NRG1: variants seen among roughly 807,000 people sequenced by gnomAD.
NRG1 encodes neuregulin 1.
A neutral mutation model predicts 63.8 loss-of-function variants in NRG1; 18 were observed. The observed-to-expected ratio is 0.28, with a 90% CI of 0.19 to 0.42. The LOEUF is 0.42. NRG1 is among the 10% of genes least tolerant of loss of function. The pLI is 1.00. For synonymous variants in NRG1, 302 were observed against 301.3 expected (o/e 1.00, Z -0.02); for missense variants, 762 against 814.7 (o/e 0.94, Z 0.79).
intron 1 of NRG1, among the ~76,000 whole-genome samples, chr8:32,374,246 G>T (rs1365200171): frequency 6.6e-6 from 1 of 152,130 alleles, no homozygotes; most frequent in African/African-American, 2.4e-5. Context: ...TTTTCCAGGA[G>T]CCAATAGAAA....
At chr8:31,812,588 C>T (rs1378538087) in intron 1 of NRG1, among the ~76,000 whole-genome samples, 1 of 151,164 alleles carries the variant, frequency 6.6e-6, no homozygotes, top group Non-Finnish European at 1.5e-5. Context: ...CCCCTTCCTC[C>T]TCCTTCCTTT....
chr8:31,897,725 T>C (rs954376556), intron 1 of NRG1, among the ~76,000 whole-genome samples: 1 of 152,078 alleles, frequency 6.6e-6, no homozygotes, highest in Non-Finnish European at 1.5e-5. Context: ...TAGAAAATCT[T>C]TGAAGCTGTC....
chr8:31,720,603 C>G (rs1444043065), intron 1 of NRG1, among the ~76,000 whole-genome samples: 6 of 152,108 alleles, frequency 3.9e-5, no homozygotes, highest in Admixed American at 3.9e-4. Flanking sequence ...GTTTTCTGTT[C>G]CTGCATTAGG....
intron 1 of NRG1, among the ~76,000 whole-genome samples, chr8:32,168,364 G>A (rs746954471): frequency 2.6e-5 from 4 of 152,206 alleles, no homozygotes; most frequent in African/African-American, 9.6e-5. Flanking sequence ...GCTGCCTGGT[G>A]CCTGTGTTCT....
At chr8:32,497,586 G>A (rs1181637666) in intron 1 of NRG1, among the ~76,000 whole-genome samples, 2 of 152,082 alleles carry the variant, frequency 1.3e-5, no homozygotes, top group African/African-American at 4.8e-5. Context: ...GGCCACAGAA[G>A]TCCAAGTCAA....
chr8:32,492,643 AAG>A (rs1422102175), intron 1 of NRG1, among the ~76,000 whole-genome samples: 5 of 152,170 alleles, frequency 3.3e-5, no homozygotes, highest in Admixed American at 6.5e-5. Context: ...GGTGAAAAGA[AAG>A]AGTACGAACC....
At chr8:32,349,479 T>C (rs902874342) in intron 1 of NRG1, among the ~76,000 whole-genome samples, 2 of 152,102 alleles carry the variant, frequency 1.3e-5, no homozygotes, top group Non-Finnish European at 2.9e-5. Flanking sequence ...ACATGGGAAG[T>C]GTGAAGGAGA....
chr8:31,687,874 G>A (rs2131103369), intron 1 of NRG1, among the ~76,000 whole-genome samples: 1 of 152,320 alleles, frequency 6.6e-6, no homozygotes, highest in Non-Finnish European at 1.5e-5. Flanking sequence ...ACCCACCAGA[G>A]CATGACCTTA....
At chr8:32,343,664 A>T (rs996123646) in intron 1 of NRG1, among the ~76,000 whole-genome samples, 31 of 152,218 alleles carry the variant, frequency 2.0e-4, no homozygotes, top group Non-Finnish European at 1.5e-4. Flanking sequence ...TCAGTGTTTA[A>T]TCATAATGAA....
intron 1 of NRG1, among the ~76,000 whole-genome samples, chr8:32,331,964 G>GT (rs1028456445): frequency 2.6e-5 from 4 of 151,778 alleles, no homozygotes; most frequent in African/African-American, 4.8e-5. Context: ...ATGAAGGGAA[G>GT]TTTTTTTTAA....
At chr8:31,894,153 T>A (rs776371) in intron 1 of NRG1, among the ~76,000 whole-genome samples, 215 of 152,280 alleles carry the variant, frequency 1.4e-3, no homozygotes, top group African/African-American at 4.8e-3. Context: ...ATTGTACCCA[T>A]GTATATGGGG....
chr8:32,412,248 A>C (rs1815068106), intron 1 of NRG1, among the ~76,000 whole-genome samples: 1 of 151,596 alleles, frequency 6.6e-6, no homozygotes, highest in South Asian at 2.1e-4. Context: ...AATTTATACC[A>C]TTGGCTCTCC....
intron 1 of NRG1, among the ~76,000 whole-genome samples, chr8:31,901,970 A>G (rs779385452): frequency 5.9e-5 from 9 of 152,234 alleles, no homozygotes; most frequent in Admixed American, 3.3e-4. Context: ...AACTTCGTGT[A>G]AAGTCTTTTC....
chr8:31,785,974 A>T (rs1820132862), intron 1 of NRG1, among the ~76,000 whole-genome samples: 3 of 152,212 alleles, frequency 2.0e-5, no homozygotes, highest in African/African-American at 7.2e-5. Flanking sequence ...ATAATTATTC[A>T]CAGCGTGTTA....
intron 1 of NRG1, among the ~76,000 whole-genome samples, chr8:31,691,544 G>A: frequency 8.2e-6 from 1 of 121,334 alleles, no homozygotes; most frequent in East Asian, 3.1e-4. Flanking sequence ...GCAGTGAGCC[G>A]AGATTGTGCC....
At chr8:31,924,317 C>T (rs1337238849) in intron 1 of NRG1, among the ~76,000 whole-genome samples, 6 of 151,046 alleles carry the variant, frequency 4.0e-5, no homozygotes, top group Non-Finnish European at 8.8e-5. Flanking sequence ...CTCCACTGAA[C>T]TCCAGCCTGG....
intron 1 of NRG1, among the ~76,000 whole-genome samples, chr8:32,116,461 C>A (rs1832722877): frequency 6.6e-6 from 1 of 152,108 alleles, no homozygotes; most frequent in South Asian, 2.1e-4. Flanking sequence ...CTCTTCACCA[C>A]CTGATGAGCT....
At chr8:32,193,654 C>T (rs926359322) in intron 1 of NRG1, among the ~76,000 whole-genome samples, 1 of 151,884 alleles carries the variant, frequency 6.6e-6, no homozygotes, top group African/African-American at 2.4e-5. Flanking sequence ...TGTGATGCCG[C>T]CCCCCTGCCA....
At chr8:32,266,863 G>A (rs540729348) in intron 1 of NRG1, among the ~76,000 whole-genome samples, 19 of 130,122 alleles carry the variant, frequency 1.5e-4, no homozygotes, top group African/African-American at 4.1e-4. Flanking sequence ...GTAAAACCAC[G>A]TCTCTACTAA....
Sources: allele counts gnomAD v4.1 joint callset (sites outside exome capture counted in the v4.1 genomes callset), GRCh38; gene constraint gnomAD v4.1.1; transcripts MANE v1.5; gene names NCBI Gene and HGNC (gene_info 2026-07-23, HGNC 2026-07-21).